TBC1D5: variants seen among roughly 807,000 people sequenced by gnomAD.
TBC1D5 encodes the protein TBC1 domain family member 5.
In TBC1D5, 75 loss-of-function variants were observed where a neutral mutation model predicts 100.3. The ratio of observed to expected loss-of-function variants is 0.75; its 90% CI spans 0.62 to 0.91. The LOEUF is 0.91. Among genes scored for constraint, TBC1D5 ranks in the 40% least tolerant of loss-of-function variants. TBC1D5 has a pLI of 0.00. For synonymous variants in TBC1D5, 323 were observed against 325.6 expected (o/e 0.99, Z 0.09); for missense variants, 910 against 942.4 (o/e 0.97, Z 0.45).
At chr3:17,620,047 C>A (rs1024286629) in intron 2 of TBC1D5, among the ~76,000 whole-genome samples, 19 of 152,220 alleles carry the variant, frequency 1.2e-4, no homozygotes, top group Admixed American at 5.2e-4. Context: ...CACTCTCATA[C>A]ACTGCAGCAG....
At chr3:17,639,233 C>T (rs1414310129) in intron 1 of TBC1D5, among the ~76,000 whole-genome samples, 1 of 152,046 alleles carries the variant, frequency 6.6e-6, no homozygotes, top group Non-Finnish European at 1.5e-5. Context: ...AATAGACAAA[C>T]TTCAAAAACA....
At chr3:17,248,182 GGGTT>G (rs2076898302) in intron 16 of TBC1D5, among the ~76,000 whole-genome samples, 1 of 152,038 alleles carries the variant, frequency 6.6e-6, no homozygotes, top group African/African-American at 2.4e-5. Context: ...GGTAGAGACA[GGGTT>G]TCACCATGTT....
At chr3:17,312,195 C>A (rs1289389190) in intron 13 of TBC1D5, among the ~76,000 whole-genome samples, 1 of 152,022 alleles carries the variant, frequency 6.6e-6, no homozygotes, top group Non-Finnish European at 1.5e-5. Context: ...CTTAGGGTCA[C>A]AAGCCATTCT....
intron 16 of TBC1D5, among the ~76,000 whole-genome samples, chr3:17,253,999 G>A (rs2077404523): frequency 6.6e-6 from 1 of 152,188 alleles, no homozygotes; most frequent in Non-Finnish European, 1.5e-5. Context: ...TTGGCTATAT[G>A]CAGGTGGTCC....
chr3:17,306,466 C>G (rs1049013747), intron 14 of TBC1D5, among the ~76,000 whole-genome samples: 1 of 152,054 alleles, frequency 6.6e-6, no homozygotes, highest in African/African-American at 2.4e-5. Context: ...ATAAATAAAT[C>G]ACTTCATTAC....
Position 17,589,529 on chromosome 3 carries a change from G to A in TBC1D5, c.-36+34320C>T, listed in dbSNP as rs77439500. The stretch of plus-strand genomic sequence containing the variant: ...TGAGAATCTCCCTGCACAAGATCTT[G>A]ACTCTTGTCTGCCGCCCTGTGAGAC... On this transcript the variant is annotated intron_variant, in intron 2 of 21. Coordinates refer to ENST00000253692, the Ensembl canonical transcript of TBC1D5. 3.5e-3 allele frequency among the ~76,000 whole-genome samples: 527 copies of A among 152,262 alleles called. 3 individuals are homozygous for A. Among genetic ancestry groups the A allele is most frequent in the African/African-American group, 0.012 (512 of 41,554 alleles).
At chr3:17,176,622 G>A (rs1290715575) in intron 19 of TBC1D5, among the ~76,000 whole-genome samples, 1 of 152,104 alleles carries the variant, frequency 6.6e-6, no homozygotes, top group Non-Finnish European at 1.5e-5. Context: ...GACACAGGGA[G>A]GGGAACATCA....
intron 17 of TBC1D5, among the ~76,000 whole-genome samples, chr3:17,236,969 T>C (rs1007480419): frequency 6.6e-6 from 1 of 152,198 alleles, no homozygotes; most frequent in Non-Finnish European, 1.5e-5. Flanking sequence ...ACTCAACATT[T>C]GTATCATTGG....
At chr3:17,294,500 A>G (rs1559570242) in intron 14 of TBC1D5, among the ~76,000 whole-genome samples, 1 of 152,250 alleles carries the variant, frequency 6.6e-6, no homozygotes, top group Non-Finnish European at 1.5e-5. Context: ...AGAGACCAGA[A>G]CAATAATCCT....
intron 14 of TBC1D5, among the ~76,000 whole-genome samples, chr3:17,301,584 A>G (rs1369635100): frequency 1.3e-5 from 2 of 151,998 alleles, no homozygotes; most frequent in African/African-American, 2.4e-5. Flanking sequence ...AAGGAAGCTC[A>G]CAATCTAGTT....
chr3:17,265,885 C>CTTT (rs367863783), intron 15 of TBC1D5, among the ~76,000 whole-genome samples: 2 of 142,552 alleles, frequency 1.4e-5, no homozygotes, highest in Non-Finnish European at 3.1e-5. Flanking sequence ...CTGCCAATTG[C>CTTT]TTTTTTTTTT....
chr3:17,736,219 A>C (rs2076951845), intron 1 of TBC1D5, among the ~76,000 whole-genome samples: 1 of 152,302 alleles, frequency 6.6e-6, no homozygotes, highest in South Asian at 2.1e-4. Flanking sequence ...TAATCATACC[A>C]CTGCACTCCA....
intron 1 of TBC1D5, among the ~76,000 whole-genome samples, chr3:17,635,485 G>A (rs892633504): frequency 1.9e-4 from 29 of 151,812 alleles, no homozygotes; most frequent in African/African-American, 4.6e-4. Flanking sequence ...GTTTGAAACC[G>A]TCCTGACCAA....
intron 16 of TBC1D5, among the ~76,000 whole-genome samples, chr3:17,256,157 C>A (rs533777402): frequency 3.3e-5 from 5 of 151,972 alleles, no homozygotes; most frequent in African/African-American, 4.8e-5. Flanking sequence ...TGTTTCAGTG[C>A]ACTTTGGAAT....
At chr3:17,700,057 A>G (rs1291722442) in intron 1 of TBC1D5, 1 of 151,686 alleles carries the variant, frequency 6.6e-6, no homozygotes, top group Non-Finnish European at 1.5e-5. Context: ...CTGGCAAGCT[A>G]TGTGTTCTAA....
At chr3:17,539,020 A>G (rs2096317255) in intron 2 of TBC1D5, among the ~76,000 whole-genome samples, 1 of 152,106 alleles carries the variant, frequency 6.6e-6, no homozygotes, top group South Asian at 2.1e-4. Context: ...CATCTCTACT[A>G]AAAATACAAA....
chr3:17,201,831 T>C (rs754714940), intron 18 of TBC1D5, among the ~76,000 whole-genome samples: 1 of 152,220 alleles, frequency 6.6e-6, no homozygotes, highest in Non-Finnish European at 1.5e-5. Flanking sequence ...ATCTGGAACT[T>C]TGAGCCAATT....
In TBC1D5 at chr3:17,172,722, C is replaced by T. The variant is rs115840550; in HGVS notation, c.1853-4894G>A. On this transcript the variant is annotated intron_variant, in intron 19 of 21. Coordinates refer to ENST00000253692, the Ensembl canonical transcript of TBC1D5. ...AATGTAGTGCCACAAAAATAGATCT[C>T]GAACTCTCAGGGTAATGAAAATGGT... Among the ~76,000 whole-genome samples, 1,517 of 152,258 alleles carry T rather than the reference C, an allele frequency of 1.0e-2. 30 individuals carry two copies. The highest frequency in any genetic ancestry group is 0.035 in the African/African-American group (1,465 of 41,532).
chr3:17,428,027 T>G (rs952279990), intron 4 of TBC1D5, among the ~76,000 whole-genome samples: 2 of 151,878 alleles, frequency 1.3e-5, no homozygotes, highest in Non-Finnish European at 3.0e-5. Flanking sequence ...AATTCAACCA[T>G]GAACTACATT....
Sources: gnomAD v4.1 joint callset for allele counts (sites outside exome capture counted in the v4.1 genomes callset) on GRCh38, gnomAD v4.1.1 for gene constraint, MANE v1.5 for transcripts, NCBI Gene and HGNC (gene_info 2026-07-23, HGNC 2026-07-21) for gene names.